Variants in CACNA1I observed in about 807,000 individuals in gnomAD.
CACNA1I encodes calcium voltage-gated channel subunit alpha1 I, also known as voltage-dependent T-type calcium channel subunit alpha-1I.
CACNA1I carries 74 observed loss-of-function variants against 201.6 expected under a neutral mutation model. The ratio of observed to expected loss-of-function variants is 0.37; its 90% CI spans 0.30 to 0.45. The LOEUF is 0.45. CACNA1I is among the 20% of genes least tolerant of loss of function. CACNA1I has a pLI of 1.00. For synonymous variants in CACNA1I, 1,431 were observed against 1,345.2 expected (o/e 1.06, Z -1.40); for missense variants, 2,346 against 3,138.1 (o/e 0.75, Z 6.03).
Position 39,670,795 on chromosome 22 carries a change from A to G in CACNA1I, c.4388-8A>G, listed in dbSNP as rs1487594884. ...TGGTCTTTGCCACTCCCCCTGCACC[A>G]CCTGCAGAGGCCCAGCGGCTGCCCT... On this transcript the variant is annotated splice_polypyrimidine_tract_variant and splice_region_variant and intron_variant, in intron 25 of 36. Coordinates refer to ENST00000402142, the MANE Select transcript of CACNA1I (RefSeq NM_021096.4). 6.2e-7 allele frequency: 1 copy of G among 1,613,022 alleles called. No individual in the cohort carries two copies. The highest frequency in any genetic ancestry group is 8.5e-7 in the Non-Finnish European group (1 of 1,179,692).
chr22:39,603,265 T>C (rs1933120816), intron 3 of CACNA1I, among the ~76,000 whole-genome samples: 1 of 152,234 alleles, frequency 6.6e-6, no homozygotes, highest in African/African-American at 2.4e-5. Flanking sequence ...TCATGTTATA[T>C]AGATGTTTCT....
Position 39,640,888 on chromosome 22 carries a change from C to G in CACNA1I, c.762C>G (p.Pro254=). The part of the protein sequence containing the change: ...NFTIQGDVAL[P]PYYQPEEDDE... ...ACAGACAAGGGGATGTGGCCTTGCC[C>G]CCATACTACCAGCCGGAGGAGGATG... Residue 254 remains proline (P), a synonymous_variant, in exon 6 of 37, where the codon CCC becomes CCG. Transcript: ENST00000402142. The G allele has an allele frequency of 6.2e-7, 1 of 1,613,300 alleles. No homozygotes were observed. The highest frequency in any genetic ancestry group is 8.5e-7 in the Non-Finnish European group (1 of 1,179,576).
intron 1 of CACNA1I, among the ~76,000 whole-genome samples, chr22:39,572,461 T>C (rs566089888): frequency 1.8e-3 from 277 of 152,158 alleles, no homozygotes; most frequent in Middle Eastern, 0.017. Context: ...CAGGCTTCCC[T>C]TCTGTAGGGG....
intron 5 of CACNA1I, among the ~76,000 whole-genome samples, chr22:39,638,920 T>C (rs1254840132): frequency 6.6e-6 from 1 of 152,222 alleles, no homozygotes; most frequent in Non-Finnish European, 1.5e-5. Flanking sequence ...TTCGTGCTCC[T>C]ATGAGAATCT....
intron 1 of CACNA1I, among the ~76,000 whole-genome samples, chr22:39,579,247 G>A (rs1932468761): frequency 1.3e-5 from 2 of 152,218 alleles, no homozygotes; most frequent in Admixed American, 6.5e-5. Context: ...ACTCCTAAGA[G>A]GGTACAGGGC....
At chr22:39,621,769 C>A (rs568496182) in intron 4 of CACNA1I, among the ~76,000 whole-genome samples, 4 of 151,404 alleles carry the variant, frequency 2.6e-5, no homozygotes, top group African/African-American at 9.7e-5. Context: ...CAAAGCTGTG[C>A]GGGAGGGGGA....
intron 3 of CACNA1I, among the ~76,000 whole-genome samples, chr22:39,605,742 T>C (rs917421130): frequency 6.6e-6 from 1 of 151,962 alleles, no homozygotes; most frequent in Non-Finnish European, 1.5e-5. Context: ...TATGTCACAC[T>C]GAGGGACAGA....
Position 39,670,242 on chromosome 22 carries a change from C to A in CACNA1I, c.4387+12C>A. ...GAAGAAGCGCCGGAGTGAGTGGGTGCCTGTGGAGGGCGTGGGCCACCCAGC... is the reference window on the plus strand; with the variant it reads ...GAAGAAGCGCCGGAGTGAGTGGGTGACTGTGGAGGGCGTGGGCCACCCAGC... On this transcript the variant is annotated intron_variant, in intron 25 of 36. Coordinates refer to ENST00000402142, the MANE Select transcript of CACNA1I (RefSeq NM_021096.4). The A allele has an allele frequency of 6.2e-7, 1 of 1,608,944 alleles. No individual in the cohort carries two copies. Among genetic ancestry groups the A allele is most frequent in the South Asian group, 1.1e-5 (1 of 90,970 alleles).
intron 33 of CACNA1I, 103 bp downstream of exon 33, chr22:39,679,971 A>G: frequency 8.1e-7 from 1 of 1,235,032 alleles, no homozygotes; most frequent in Non-Finnish European, 1.1e-6. Context: ...TGTAGAGACC[A>G]GGCTGGGTCA....
intron 29 of CACNA1I, among the ~76,000 whole-genome samples, chr22:39,675,263 T>G (rs1935485115): frequency 6.6e-6 from 1 of 152,370 alleles, no homozygotes; most frequent in African/African-American, 2.4e-5. Context: ...GTCAGATGGT[T>G]AAAGCTTATG....
intron 3 of CACNA1I, among the ~76,000 whole-genome samples, chr22:39,613,569 A>G (rs892900346): frequency 6.6e-6 from 1 of 152,334 alleles, no homozygotes; most frequent in African/African-American, 2.4e-5. Context: ...GACTTGCCCA[A>G]AGTCACATGG....
At position 39,685,734 on chromosome 22, in the gene CACNA1I, G is replaced by T. The variant is rs2146488468; in HGVS notation, c.6028-27G>T. 1 of 1,429,240 alleles carries T rather than the reference G, an allele frequency of 7.0e-7. No individual in the cohort carries two copies. The highest frequency in any genetic ancestry group is 9.1e-7 in the Non-Finnish European group (1 of 1,100,652). The allele number at this position is 1,429,240 out of a possible 1,614,324, so 88.5% of individuals were successfully genotyped here. A position where few individuals can be genotyped will look rare whatever the true frequency, so the allele number is the denominator to read the frequency against. ...GCTGGGGTGGGGGCCGACACAGGCG[G>T]CCTCCACGGCTCCCACCTCCCCCCA... is the stretch of plus-strand genomic sequence containing the variant. On this transcript the variant is annotated intron_variant, in intron 36 of 36. Transcript: ENST00000402142. This position sits in a 1 kb window ranked among gnomAD's most constrained non-coding sequence, Gnocchi z 5.0.
At chr22:39,576,944 GCTT>G (rs151322871) in intron 1 of CACNA1I, among the ~76,000 whole-genome samples, 21,280 of 151,894 alleles carry the variant, frequency 0.14, 1,939 homozygotes, top group Middle Eastern at 0.25. Flanking sequence ...GGATGTCTGT[GCTT>G]CTTCTTCTTC....
Position 39,646,703 on chromosome 22 carries a change from C to T in CACNA1I, c.1284C>T (p.Tyr428=), listed in dbSNP as rs757934250. 3.5e-5 allele frequency: 56 copies of T among 1,594,460 alleles called. No homozygotes were observed. Among genetic ancestry groups the T allele is most frequent in the Middle Eastern group, 1.6e-4 (1 of 6,064 alleles). The change falls in exon 8 of 37, where the codon TAC becomes TAT. Residue 428 remains tyrosine (Y), a synonymous_variant. Transcript: ENST00000402142. ...RYLSSSTVAS[Y]AEPGDCYEEI... is the part of the protein sequence containing the mutation. Reference sequence around the variant, plus strand: ...TGTCCTCCAGCACGGTGGCCAGCTACGCCGAGCCTGGCGACTGCTACGAGG... The same window carrying T: ...TGTCCTCCAGCACGGTGGCCAGCTATGCCGAGCCTGGCGACTGCTACGAGG...
intron 1 of CACNA1I, among the ~76,000 whole-genome samples, chr22:39,581,731 AC>A (rs1399004240): frequency 6.6e-6 from 1 of 152,192 alleles, no homozygotes; most frequent in Middle Eastern, 3.2e-3. Flanking sequence ...CCATTGAGAG[AC>A]AAATAGCCTC....
chr22:39,570,892 C>G lies in CACNA1I; in HGVS notation c.140C>G (p.Pro47Arg), dbSNP rs1456777493. 3 of 1,613,874 alleles carry G rather than the reference C, an allele frequency of 1.9e-6. No individual in the cohort carries two copies. Among genetic ancestry groups the G allele is most frequent in the South Asian group, 2.2e-5 (2 of 91,090 alleles). Reference protein sequence around the residue: ...GLEEPLDGADPHVPHPDLAPI... With the variant: ...GLEEPLDGADRHVPHPDLAPI... ...GAGGAGCCTCTGGATGGAGCTGATC[C>G]TCATGTCCCACACCCAGACCTGGCG... Residue 47 changes from proline to arginine, a missense_variant, in exon 1 of 37, where the codon CCT (proline) becomes CGT (arginine). By Grantham distance (103) the Pro-to-Arg change is moderately radical (BLOSUM62 -2). Coordinates refer to ENST00000402142, the MANE Select transcript of CACNA1I (RefSeq NM_021096.4).
chr22:39,640,981 G>A lies in CACNA1I; in HGVS notation c.855G>A (p.Pro285=), dbSNP rs751552933. 3.1e-5 allele frequency: 50 copies of A among 1,613,912 alleles called. No individual in the cohort carries two copies. The highest frequency in any genetic ancestry group is 1.8e-4 in the South Asian group (16 of 91,092). The change falls in exon 6 of 37, where the codon CCG becomes CCA. Residue 285 remains proline (P), a synonymous_variant. Transcript: ENST00000402142. ...NGIMGCHEIP[P]LKEQGRECCL... Reference sequence around the variant, plus strand: ...TAATGGGCTGCCATGAGATCCCCCCGCTCAAGGAGCAGGGCCGTGAGTGCT... The same window carrying A: ...TAATGGGCTGCCATGAGATCCCCCCACTCAAGGAGCAGGGCCGTGAGTGCT...
chr22:39,686,652 A>ATATGCATATATATATATATATATATG lies in CACNA1I; in HGVS notation c.*248_*249insATGCATATATATATATATATATATGT, dbSNP rs1420348207. 1 of 143,908 alleles carries ATATGCATATATATATATATATATATG rather than the reference A, an allele frequency of 6.9e-6. No individual in the cohort carries two copies. Among genetic ancestry groups the ATATGCATATATATATATATATATATG allele is most frequent in the African/African-American group, 2.6e-5 (1 of 38,202 alleles). 8.9% of individuals were successfully genotyped at this position (143,908 alleles called of 1,614,324 possible). On this transcript the variant is annotated 3_prime_UTR_variant, in exon 37 of 37. Coordinates refer to ENST00000402142, the MANE Select transcript of CACNA1I (RefSeq NM_021096.4). Reference sequence around the variant, plus strand: ...CATATATATATATATATATATATATATGTGTATACACACACACATAGACAG... The same window carrying ATATGCATATATATATATATATATATG: ...CATATATATATATATATATATATATATATGCATATATATATATATATATATGTGTGTATACACACACACATAGACAG...
chr22:39,575,212 C>A (rs1378916018), intron 1 of CACNA1I, among the ~76,000 whole-genome samples: 1 of 152,196 alleles, frequency 6.6e-6, no homozygotes, highest in Non-Finnish European at 1.5e-5. Flanking sequence ...CCGTGGAAAG[C>A]GCTGGGCACC....
Sources: allele counts gnomAD v4.1 joint callset (sites outside exome capture counted in the v4.1 genomes callset), GRCh38; gene constraint gnomAD v4.1.1; non-coding constraint Gnocchi (gnomAD v3.1); transcripts MANE v1.5; gene names NCBI Gene and HGNC (gene_info 2026-07-23, HGNC 2026-07-21).